MTNR1B: variants seen among roughly 807,000 people sequenced by gnomAD.
MTNR1B encodes the protein melatonin receptor 1B, also known as melatonin receptor type 1B.
In MTNR1B, 7 loss-of-function variants were observed where a neutral mutation model predicts 7.0. That is an observed-to-expected ratio of 1.00 (90% confidence interval 0.57 to 1.88). MTNR1B has a LOEUF of 1.88. Ranked by LOEUF, MTNR1B falls within the 40% of genes most tolerant of loss-of-function variation. The pLI is 0.00. For synonymous variants in MTNR1B, 226 were observed against 208.2 expected, an observed-to-expected ratio of 1.09 and a Z score of -0.74; for missense variants, 478 against 486.5, an observed-to-expected ratio of 0.98 and a Z score of 0.16.
chr11:92,981,343 G>C, intron 1 of MTNR1B, 104 bp from the exon 2 acceptor site: 1 of 1,480,524 alleles, frequency 6.8e-7, no homozygotes, highest in Non-Finnish European at 9.0e-7. Flanking sequence ...GAGCCACTTG[G>C]TTTCCACTCA....
Position 92,969,798 on chromosome 11 carries a change from G to C in MTNR1B, c.73G>C (p.Ala25Pro), listed in dbSNP as rs375735895. Residue 25 changes from alanine (A) to proline (P), a missense_variant, in exon 1 of 2, where the codon GCT becomes CCT. Ala to Pro is a conservative substitution (Grantham distance 27, BLOSUM62 -1). Coordinates refer to ENST00000257068, the MANE Select transcript of MTNR1B (RefSeq NM_005959.5). Reference sequence around the variant, plus strand: ...GGCAGTGCGCCCGGGCTGGTCGGGGGCTGGCAGCGCGCGGCCCTCCAGGAC... The same window carrying C: ...GGCAGTGCGCCCGGGCTGGTCGGGGCCTGGCAGCGCGCGGCCCTCCAGGAC... ...GWAVRPGWSG[A>P]GSARPSRTPR... 6.4e-7 allele frequency: 1 copy of C among 1,558,650 alleles called. No individual in the cohort carries two copies. Among genetic ancestry groups the C allele is most frequent in the Non-Finnish European group, 8.7e-7 (1 of 1,151,288 alleles).
chr11:92,978,919 G>A (rs1565180070), intron 1 of MTNR1B, among the ~76,000 whole-genome samples: 1 of 152,156 alleles, frequency 6.6e-6, no homozygotes, highest in African/African-American at 2.4e-5. Context: ...AGCAGCTCTT[G>A]ACTTTCTCTG....
intron 1 of MTNR1B, among the ~76,000 whole-genome samples, 184 bp downstream of exon 1, chr11:92,970,132 G>T (rs536561354): frequency 1.3e-5 from 2 of 152,288 alleles, no homozygotes; most frequent in East Asian, 3.9e-4. Context: ...TTGCCCCTCC[G>T]AAGTGCGGCT....
At chr11:92,974,997 C>T (rs1356579795) in intron 1 of MTNR1B, among the ~76,000 whole-genome samples, 2 of 152,194 alleles carry the variant, frequency 1.3e-5, no homozygotes, top group Admixed American at 6.5e-5. Context: ...CTCAGCCTCC[C>T]AAAGTGCTGG....
At chr11:92,978,288 G>A (rs1031083872) in intron 1 of MTNR1B, among the ~76,000 whole-genome samples, 1 of 152,216 alleles carries the variant, frequency 6.6e-6, no homozygotes, top group Non-Finnish European at 1.5e-5. Context: ...AAGAAAGAGA[G>A]AGGAAGAGAA....
chr11:92,970,876 C>A (rs1591901444), intron 1 of MTNR1B, among the ~76,000 whole-genome samples: 1 of 152,256 alleles, frequency 6.6e-6, no homozygotes, highest in Middle Eastern at 3.4e-3. Context: ...AGTAAAACAA[C>A]CATATAGCTT....
chr11:92,970,416 T>A (rs1857906300), intron 1 of MTNR1B, among the ~76,000 whole-genome samples: 1 of 152,216 alleles, frequency 6.6e-6, no homozygotes, highest in Admixed American at 6.5e-5. Flanking sequence ...AATGGAAGCA[T>A]TTCAGTAGGT....
rs967432159 is a variant in MTNR1B, at chr11:92,969,734, G to A, written c.9G>A (p.Glu3=). The change falls in exon 1 of 2, where the codon GAG becomes GAA. Residue 3 remains glutamate (E), a synonymous_variant. Coordinates refer to ENST00000257068, the MANE Select transcript of MTNR1B (RefSeq NM_005959.5). MS[E]NGSFANCCEA... ...GCGCGGGAGAGTCTGCGATGTCAGAGAACGGCTCCTTCGCCAACTGCTGCG... is the reference window on the plus strand; with the variant it reads ...GCGCGGGAGAGTCTGCGATGTCAGAAAACGGCTCCTTCGCCAACTGCTGCG... 4 of 1,485,086 alleles carry A rather than the reference G, an allele frequency of 2.7e-6. No homozygotes were observed. Among genetic ancestry groups the A allele is most frequent in the Non-Finnish European group, 3.6e-6 (4 of 1,117,346 alleles). The allele number at this position is 1,485,086 out of a possible 1,614,324, so 92.0% of individuals were successfully genotyped here.
downstream of MTNR1B, among the ~76,000 whole-genome samples, chr11:92,984,604 G>A (rs1052385917): frequency 6.6e-6 from 1 of 152,162 alleles, no homozygotes; most frequent in Admixed American, 6.5e-5. Context: ...TGGAGGAGAA[G>A]GAGGCATCAA....
chr11:92,979,307 A>G (rs1386418585), intron 1 of MTNR1B, among the ~76,000 whole-genome samples: 1 of 152,204 alleles, frequency 6.6e-6, no homozygotes, highest in Non-Finnish European at 1.5e-5. Context: ...ATGTTCTTGG[A>G]ACCAAGTGAG....
chr11:92,983,568 G>A (rs1213275334), downstream of MTNR1B, among the ~76,000 whole-genome samples: 2 of 152,026 alleles, frequency 1.3e-5, no homozygotes, highest in African/African-American at 4.8e-5. Context: ...AAGGGAAGGG[G>A]AGAAAATGGG....
chr11:92,977,992 T>G (rs905728495), intron 1 of MTNR1B, among the ~76,000 whole-genome samples: 1 of 152,250 alleles, frequency 6.6e-6, no homozygotes, highest in Non-Finnish European at 1.5e-5. Flanking sequence ...CCTGTCCATC[T>G]GGCATAGTCA....
At chr11:92,984,042 C>T (rs778117632), downstream of MTNR1B, among the ~76,000 whole-genome samples, 37 of 152,148 alleles carry the variant, frequency 2.4e-4, no homozygotes, top group Non-Finnish European at 3.8e-4. Context: ...CATCCCACCT[C>T]GGAATATGTG....
chr11:92,970,085 T>TTAAG (rs1857901313), intron 1 of MTNR1B, 137 bp downstream of exon 1: 1 of 1,226,974 alleles, frequency 8.2e-7, no homozygotes, highest in Non-Finnish European at 1.0e-6. Context: ...AACCTATTCC[T>TTAAG]TAAGTTTGAC....
Position 92,982,096 on chromosome 11 carries a change from C to T in MTNR1B, c.873C>T (p.Val291=). The T allele has an allele frequency of 6.2e-7, 1 of 1,614,244 alleles. No homozygotes were observed. The highest frequency in any genetic ancestry group is 8.5e-7 in the Non-Finnish European group (1 of 1,180,054). The change falls in exon 2 of 2, where the codon GTC becomes GTT. Residue 291 remains valine, a synonymous_variant. Transcript: ENST00000257068. ...MAPQIPEGLF[V]TSYLLAYFNS... ...CCCAGATCCCTGAGGGGCTATTTGTCACTAGCTACTTACTGGCTTATTTCA... is the reference window on the plus strand; with the variant it reads ...CCCAGATCCCTGAGGGGCTATTTGTTACTAGCTACTTACTGGCTTATTTCA...
At chr11:92,969,988 C>G (rs762324922) in intron 1 of MTNR1B, 40 bp downstream of exon 1, 1 of 1,534,178 alleles carries the variant, frequency 6.5e-7, no homozygotes, top group Non-Finnish European at 8.8e-7. Context: ...GCATCGGGCC[C>G]TTCCTTGTCT....
Position 92,975,349 on chromosome 11 carries a change from C to T in MTNR1B, c.223+5401C>T, listed in dbSNP as rs145648203. On this transcript the variant is annotated intron_variant, in intron 1 of 1. Transcript: ENST00000257068. Reference sequence around the variant, plus strand: ...CTGTCTGGGAGGTTTAGTGAGTGCACGAATTGGCATTTCTGGGGTACGTTG... The same window carrying T: ...CTGTCTGGGAGGTTTAGTGAGTGCATGAATTGGCATTTCTGGGGTACGTTG... Among the ~76,000 whole-genome samples, 114 of 152,244 alleles carry T rather than the reference C, an allele frequency of 7.5e-4. 1 individual carries two copies. The highest frequency in any genetic ancestry group is 2.6e-3 in the African/African-American group (107 of 41,542).
In MTNR1B at chr11:92,981,665, TACC is replaced by T; in HGVS notation, c.446_448del (p.His149del). 3 of 1,614,190 alleles carry T rather than the reference TACC, an allele frequency of 1.9e-6. No individual in the cohort carries two copies. Among genetic ancestry groups the T allele is most frequent in the Non-Finnish European group, 8.5e-7 (1 of 1,180,032 alleles). On this transcript the variant is annotated inframe_deletion, in exon 2 of 2. Transcript: ENST00000257068. ...CTGCTACATCTGCCACAGCATGGCC[TACC>T]ACCGAATCTACCGGCGCTGGCACAC...
chr11:92,970,658 C>G (rs1857909301), intron 1 of MTNR1B, among the ~76,000 whole-genome samples: 1 of 152,190 alleles, frequency 6.6e-6, no homozygotes, highest in South Asian at 2.1e-4. Context: ...ACTCTCATTT[C>G]AATATTCCCC....
Sources: allele counts gnomAD v4.1 joint callset (sites outside exome capture counted in the v4.1 genomes callset), GRCh38; gene constraint gnomAD v4.1.1; transcripts MANE v1.5; gene names NCBI Gene and HGNC (gene_info 2026-07-23, HGNC 2026-07-21).